ALPL: variants seen among roughly 807,000 people sequenced by gnomAD.
ALPL encodes the protein alkaline phosphatase, tissue-nonspecific isozyme.
Under a neutral mutation model 51.3 loss-of-function variants are expected in ALPL, and 42 were observed. The observed-to-expected ratio is 0.82, with a 90% CI of 0.64 to 1.06. The LOEUF is 1.06. ALPL is among the 50% of genes least tolerant of loss of function. ALPL has a pLI of 0.00. For synonymous variants in ALPL, 279 were observed against 296.4 expected (o/e 0.94, Z 0.60); for missense variants, 589 against 709.4 (o/e 0.83, Z 1.93).
At chr1:21,571,105 T>C (rs555705663) in intron 8 of ALPL, among the ~76,000 whole-genome samples, 3 of 152,344 alleles carry the variant, frequency 2.0e-5, no homozygotes, top group Admixed American at 6.5e-5. Flanking sequence ...GGGCTGTGCA[T>C]GCACCCGTGT....
chr1:21,556,770 C>T (rs1644419512), intron 2 of ALPL, among the ~76,000 whole-genome samples: 1 of 152,082 alleles, frequency 6.6e-6, no homozygotes, highest in African/African-American at 2.4e-5. Context: ...AAAAACTCCT[C>T]TCTACTAAAA....
intron 8 of ALPL, 50 bp downstream of exon 8, chr1:21,570,424 CG>C (rs1558553516): frequency 6.3e-7 from 1 of 1,590,548 alleles, no homozygotes; most frequent in East Asian, 2.2e-5. Flanking sequence ...GCCTGGTGGC[CG>C]GAGCTGCGTG....
At chr1:21,576,969 C>T (rs1008889653) in intron 11 of ALPL, among the ~76,000 whole-genome samples, 1 of 152,122 alleles carries the variant, frequency 6.6e-6, no homozygotes, top group Non-Finnish European at 1.5e-5. Flanking sequence ...CAAGTAGGTG[C>T]TCAATATTTT....
chr1:21,576,783 G>T, intron 11 of ALPL, 142 bp downstream of exon 11: 1 of 1,183,580 alleles, frequency 8.4e-7, no homozygotes, highest in South Asian at 1.5e-5. Context: ...TTGAGTCCCA[G>T]GTTGTTTGAT....
chr1:21,540,321 C>T (rs1644166235), intron 1 of ALPL, among the ~76,000 whole-genome samples: 1 of 137,930 alleles, frequency 7.3e-6, no homozygotes, highest in Non-Finnish European at 1.6e-5. Context: ...CTCCCTGCTG[C>T]TTCTCTCCTG....
In ALPL at chr1:21,523,435, C is replaced by T. The variant is rs565715559; in HGVS notation, c.-105+13918C>T. Among the ~76,000 whole-genome samples the T allele has an allele frequency of 3.1e-4, 47 of 152,342 alleles. No homozygotes were observed. In the Middle Eastern group the frequency reaches 0.01, roughly 33 times the overall value. ...TGTCCTGCCTCCTTCTGTAAAGACT[C>T]GTGAAGCTTCCTGCTGGGTAGTTCC... On this transcript the variant is annotated intron_variant, in intron 1 of 11. Coordinates refer to ENST00000374840, the MANE Select transcript of ALPL (RefSeq NM_000478.6).
At position 21,560,753 on chromosome 1, in the gene ALPL, C is replaced by T. The variant is rs1264609751; in HGVS notation, c.181+8C>T. 3.7e-6 allele frequency: 6 copies of T among 1,613,892 alleles called. No homozygotes were observed. Among genetic ancestry groups the T allele is most frequent in the Non-Finnish European group, 4.2e-6 (5 of 1,180,016 alleles). On this transcript the variant is annotated splice_region_variant and intron_variant, in intron 3 of 11. Transcript: ENST00000374840. ...TCATGTTCCTGGGAGATGGTGAGGC[C>T]CAGGGGCCTGTGGGAGGGGTGGAAC... is the stretch of plus-strand genomic sequence containing the variant.
chr1:21,544,239 G>A (rs549633360), intron 1 of ALPL, among the ~76,000 whole-genome samples: 4 of 152,214 alleles, frequency 2.6e-5, no homozygotes, highest in Non-Finnish European at 4.4e-5. Context: ...AAACAGTTTC[G>A]GAGGTGCAGG....
chr1:21,563,292 G>T lies in ALPL; in HGVS notation c.472+8G>T, dbSNP rs61778390. The T allele has an allele frequency of 3.5e-6, 4 of 1,157,604 alleles. No homozygotes were observed. The highest frequency in any genetic ancestry group is 1.3e-5 in the South Asian group (1 of 79,710). The allele number at this position is 1,157,604 out of a possible 1,614,324, so 71.7% of individuals were successfully genotyped here. The stretch of plus-strand genomic sequence containing the variant: ...GCTGGGCCAAGGACGCTGGTGAGTC[G>T]GGGGAGCAGTGGGGAGCAGGGCCAG... On this transcript the variant is annotated splice_region_variant and intron_variant, in intron 5 of 11. Coordinates refer to ENST00000374840, the MANE Select transcript of ALPL (RefSeq NM_000478.6).
intron 8 of ALPL, among the ~76,000 whole-genome samples, chr1:21,572,472 A>C (rs1644662842): frequency 6.6e-6 from 1 of 152,116 alleles, no homozygotes; most frequent in East Asian, 1.9e-4. Flanking sequence ...CAGCCTTCGA[A>C]ATCACACACC....
intron 1 of ALPL, among the ~76,000 whole-genome samples, chr1:21,526,139 G>A (rs1469230474): frequency 6.6e-6 from 1 of 152,084 alleles, no homozygotes; most frequent in Non-Finnish European, 1.5e-5. Context: ...GGAGACAGCA[G>A]ATTTCATTTA....
In ALPL at chr1:21,554,016, A is replaced by AC. The variant is rs1644365683; in HGVS notation, c.-61dup. On this transcript the variant is annotated 5_prime_UTR_variant, in exon 2 of 12. Transcript: ENST00000374840. The stretch of plus-strand genomic sequence containing the variant: ...GTTAACATCTGACCACTGCCAGCCC[A>AC]CCCCCTCCCACCCACGTCGATTGCA... The AC allele has an allele frequency of 4.9e-6, 3 of 615,568 alleles. No individual in the cohort carries two copies. The highest frequency in any genetic ancestry group is 6.1e-6 in the Non-Finnish European group (2 of 325,208). The allele number at this position is 615,568 out of a possible 1,614,324, so 38.1% of individuals were successfully genotyped here.
At chr1:21,552,237 ACTTTGGGAGGCCAAGGTGGGCAGATCAC>A (rs967631330) in intron 1 of ALPL, among the ~76,000 whole-genome samples, 16 of 149,518 alleles carry the variant, frequency 1.1e-4, no homozygotes, top group African/African-American at 3.9e-4. Context: ...TAATCCCAGC[ACTTTGGGAGGCCAAGGTGGGCAGATCAC>A]CTGAGGTCGG....
intron 9 of ALPL, chr1:21,574,658 C>G (rs899650091): frequency 6.6e-6 from 1 of 152,308 alleles, no homozygotes; most frequent in African/African-American, 2.4e-5. Context: ...CTTGCCAAAC[C>G]CCGGGGTTCC....
intron 1 of ALPL, among the ~76,000 whole-genome samples, chr1:21,513,059 C>CTATTATTAT (rs146470644): frequency 6.6e-5 from 10 of 150,794 alleles, no homozygotes; most frequent in South Asian, 4.2e-4. Context: ...CTCGCCCTCT[C>CTATTATTAT]TATTATTATT....
chr1:21,568,031 T>C, intron 6 of ALPL, 73 bp from the exon 7 acceptor site: 2 of 1,606,570 alleles, frequency 1.2e-6, no homozygotes, highest in South Asian at 2.2e-5. Flanking sequence ...GGAGTCCAGG[T>C]TCCAAGCCGA....
chr1:21,555,235 G>A (rs747553717), intron 2 of ALPL, among the ~76,000 whole-genome samples: 12 of 152,284 alleles, frequency 7.9e-5, no homozygotes, highest in African/African-American at 2.4e-4. Flanking sequence ...AGGTAATGTC[G>A]TCAGTTAAGG....
intron 1 of ALPL, among the ~76,000 whole-genome samples, chr1:21,527,549 CTTTTT>C (rs560294555): frequency 7.2e-6 from 1 of 138,270 alleles, no homozygotes; most frequent in Non-Finnish European, 1.6e-5. Flanking sequence ...TAGCCTTTAA[CTTTTT>C]TTTTTTTTTT....
At chr1:21,515,155 G>C (rs1184714482) in intron 1 of ALPL, among the ~76,000 whole-genome samples, 5 of 152,142 alleles carry the variant, frequency 3.3e-5, no homozygotes, top group Non-Finnish European at 5.9e-5. Context: ...AAACTGCTGG[G>C]CAGAGCTCAG....
Sources: gnomAD v4.1 joint callset for allele counts (sites outside exome capture counted in the v4.1 genomes callset) on GRCh38, gnomAD v4.1.1 for gene constraint, MANE v1.5 for transcripts, NCBI Gene and HGNC (gene_info 2026-07-23, HGNC 2026-07-21) for gene names.